The following FAM78B variants were observed in gnomAD, a reference collection of about 807,000 sequenced individuals.
The protein encoded by FAM78B is protein FAM78B.
Under a neutral mutation model 20.0 loss-of-function variants are expected in FAM78B, and 10 were observed. That is an observed-to-expected ratio of 0.50 (90% CI 0.31 to 0.85). The LOEUF (loss-of-function observed/expected upper bound fraction) is 0.85. Among genes scored for constraint, FAM78B ranks in the 40% least tolerant of loss-of-function variants. FAM78B has a pLI of 0.05. For missense variants in FAM78B, 283 were observed against 345.0 expected (o/e 0.82, Z 1.42); for synonymous variants, 135 against 132.8 (o/e 1.02, Z -0.12).
At chr1:166,144,293 G>T (rs906810618) in intron 1 of FAM78B, among the ~76,000 whole-genome samples, 1 of 151,682 alleles carries the variant, frequency 6.6e-6, no homozygotes, top group Non-Finnish European at 1.5e-5. Flanking sequence ...GAGTGGTGGT[G>T]GGGGGGTGGT....
chr1:166,150,864 T>G (rs889691615), intron 1 of FAM78B, among the ~76,000 whole-genome samples: 2 of 152,140 alleles, frequency 1.3e-5, no homozygotes, highest in African/African-American at 4.8e-5. Flanking sequence ...GAGGCAGGAT[T>G]ACCTGAGCCC....
chr1:166,103,033 A>C (rs1202744309), intron 1 of FAM78B, among the ~76,000 whole-genome samples: 1 of 152,214 alleles, frequency 6.6e-6, no homozygotes, highest in East Asian at 1.9e-4. Context: ...TCAAACTAGA[A>C]CTCAGGATCA....
At chr1:166,065,771 A>G (rs570776571), downstream of FAM78B, among the ~76,000 whole-genome samples, 2 of 152,208 alleles carry the variant, frequency 1.3e-5, no homozygotes, top group East Asian at 1.9e-4. Context: ...ATTAATGGCA[A>G]TAAGACTCTG....
At chr1:166,111,374 T>G (rs1461698370) in intron 1 of FAM78B, among the ~76,000 whole-genome samples, 2 of 152,180 alleles carry the variant, frequency 1.3e-5, no homozygotes, top group Non-Finnish European at 2.9e-5. Context: ...CTTTCAGAGC[T>G]GGGTTATCAA....
At chr1:166,105,753 T>C (rs988667081) in intron 1 of FAM78B, among the ~76,000 whole-genome samples, 7 of 151,912 alleles carry the variant, frequency 4.6e-5, no homozygotes, top group Non-Finnish European at 8.8e-5. Flanking sequence ...TTTACACTGT[T>C]GGTGGGACTG....
At chr1:166,159,465 GAAGGA>G (rs1656057477) in intron 1 of FAM78B, among the ~76,000 whole-genome samples, 2 of 152,128 alleles carry the variant, frequency 1.3e-5, no homozygotes, top group South Asian at 4.1e-4. Context: ...GTACGAATTA[GAAGGA>G]AAGGGGATAT....
At chr1:166,076,112 C>T (rs1652261762) in intron 1 of FAM78B, among the ~76,000 whole-genome samples, 1 of 152,224 alleles carries the variant, frequency 6.6e-6, no homozygotes, top group South Asian at 2.1e-4. Context: ...CTTTGCGTCC[C>T]TGTTCTATTG....
intron 1 of FAM78B, among the ~76,000 whole-genome samples, chr1:166,109,851 T>C (rs1436753109): frequency 3.3e-5 from 1 of 29,908 alleles, no homozygotes; most frequent in African/African-American, 8.1e-5. Context: ...TATATATATA[T>C]ATATATATAT....
At chr1:166,133,031 A>G (rs1654931080) in intron 1 of FAM78B, among the ~76,000 whole-genome samples, 1 of 152,216 alleles carries the variant, frequency 6.6e-6, no homozygotes. Flanking sequence ...GAGGAATTGG[A>G]GCTTTCAACA....
rs372133497 is a variant in FAM78B at position 166,141,633 on chromosome 1, A to G, written c.263+24353T>C. Reference sequence around the variant, plus strand: ...AAGGAGGCATGTTCATACCCATTTTACAGATGAGTAAAGTGTATTCCAGCT... The same window carrying G: ...AAGGAGGCATGTTCATACCCATTTTGCAGATGAGTAAAGTGTATTCCAGCT... On this transcript the variant is annotated intron_variant, in intron 1 of 1. Transcript: ENST00000354422. Among the ~76,000 whole-genome samples the G allele has an allele frequency of 1.4e-4, 22 of 152,358 alleles. No individual in the cohort carries two copies. The East Asian group carries it at 1.9e-3, about 13-fold the overall frequency.
intron 1 of FAM78B, among the ~76,000 whole-genome samples, chr1:166,104,312 C>T: frequency 6.6e-6 from 1 of 152,292 alleles, no homozygotes; most frequent in South Asian, 2.1e-4. Context: ...GATGCCCTCT[C>T]TCACCAGTCC....
intron 1 of FAM78B, among the ~76,000 whole-genome samples, chr1:166,157,590 T>C (rs1655958693): frequency 6.6e-6 from 1 of 152,016 alleles, no homozygotes. Flanking sequence ...AGTGCAGGAA[T>C]TCTTGGGAGC....
intron 1 of FAM78B, among the ~76,000 whole-genome samples, chr1:166,094,964 A>T (rs1319328094): frequency 6.6e-6 from 1 of 152,188 alleles, no homozygotes; most frequent in African/African-American, 2.4e-5. Flanking sequence ...CTATAAGAAA[A>T]TAAGTTTAGG....
chr1:166,127,112 G>A (rs534392891), intron 1 of FAM78B, among the ~76,000 whole-genome samples: 25 of 152,324 alleles, frequency 1.6e-4, no homozygotes, highest in African/African-American at 5.3e-4. Flanking sequence ...CTGAATGTCA[G>A]TATCCTCACC....
At position 166,127,783 on chromosome 1, in the gene FAM78B, C is replaced by T. The variant is rs186640589; in HGVS notation, c.263+38203G>A. Among the ~76,000 whole-genome samples the T allele has an allele frequency of 1.1e-4, 17 of 152,272 alleles. No homozygotes were observed. In the East Asian group the frequency reaches 3.3e-3, roughly 29 times the overall value. ...GAGGGGGTGGATGCAGTGAAACAAACACACCAAGGTCAAAGAGCACACAGA... is the reference window on the plus strand; with the variant it reads ...GAGGGGGTGGATGCAGTGAAACAAATACACCAAGGTCAAAGAGCACACAGA... On this transcript the variant is annotated intron_variant, in intron 1 of 1. Coordinates refer to ENST00000354422, the MANE Select transcript of FAM78B (RefSeq NM_001017961.5).
Position 166,166,009 on chromosome 1 carries a change from G to T in FAM78B, c.240C>A (p.Phe80Leu). Residue 80 changes from phenylalanine to leucine, a missense_variant, in exon 1 of 2, where the codon TTC becomes TTA. Coordinates refer to ENST00000354422, the MANE Select transcript of FAM78B (RefSeq NM_001017961.5). ...WIQACNQMEFFNTYSDLGMSS... is the reference protein window; with the variant it reads ...WIQACNQMEFLNTYSDLGMSS... ...ACATGCCCAGGTCGCTGTAGGTGTT[G>T]AAGAACTCCATCTGATTGCACGCCT... The T allele has an allele frequency of 6.2e-7, 1 of 1,611,066 alleles. No homozygotes were observed. The highest frequency in any genetic ancestry group is 8.5e-7 in the Non-Finnish European group (1 of 1,178,412).
At chr1:166,142,101 C>A (rs1166737496) in intron 1 of FAM78B, among the ~76,000 whole-genome samples, 1 of 152,170 alleles carries the variant, frequency 6.6e-6, no homozygotes, top group Non-Finnish European at 1.5e-5. Context: ...CAGCCCTGCT[C>A]TGACTTGGGA....
chr1:166,064,425 A>G (rs147651873), downstream of FAM78B, among the ~76,000 whole-genome samples: 82 of 152,306 alleles, frequency 5.4e-4, no homozygotes, highest in African/African-American at 1.9e-3. Flanking sequence ...GGTTTAAACT[A>G]GGCAAATTGG....
At chr1:166,144,776 G>T (rs928539542) in intron 1 of FAM78B, among the ~76,000 whole-genome samples, 6 of 152,048 alleles carry the variant, frequency 3.9e-5, no homozygotes. Flanking sequence ...GCACATCAAA[G>T]GTATAGAGCC....
Sources: allele counts gnomAD v4.1 joint callset (sites outside exome capture counted in the v4.1 genomes callset), GRCh38; gene constraint gnomAD v4.1.1; transcripts MANE v1.5; gene names NCBI Gene and HGNC (gene_info 2026-07-23, HGNC 2026-07-21).